Variants in PDSS2 observed in about 807,000 individuals in gnomAD.
PDSS2 encodes decaprenyl diphosphate synthase subunit 2.
Under a neutral mutation model 44.5 loss-of-function variants are expected in PDSS2, and 31 were observed. The observed-to-expected ratio is 0.70, with a 90% CI of 0.52 to 0.94. PDSS2 has a LOEUF of 0.94. Among genes scored for constraint, PDSS2 ranks in the 40% least tolerant of loss-of-function variants. The pLI is 0.00. For synonymous variants in PDSS2, 157 were observed against 180.3 expected, an observed-to-expected ratio of 0.87 and a Z score of 1.03; for missense variants, 452 against 482.2, an observed-to-expected ratio of 0.94 and a Z score of 0.59.
At chr6:107,168,644 C>T (rs1481520057) in intron 7 of PDSS2, among the ~76,000 whole-genome samples, 1 of 151,358 alleles carries the variant, frequency 6.6e-6, no homozygotes, top group Non-Finnish European at 1.5e-5. Context: ...TTAGTGCTTC[C>T]TTCAGGAGCT....
chr6:107,337,751 G>C (rs1475414600), intron 1 of PDSS2, among the ~76,000 whole-genome samples: 2 of 151,742 alleles, frequency 1.3e-5, no homozygotes, highest in African/African-American at 4.8e-5. Context: ...CACTCTACTA[G>C]CATATATAAT....
At chr6:107,183,619 G>C (rs1180680384) in intron 7 of PDSS2, among the ~76,000 whole-genome samples, 1 of 152,146 alleles carries the variant, frequency 6.6e-6, no homozygotes, top group Non-Finnish European at 1.5e-5. Context: ...AATCACTTGA[G>C]CTGGGTGCAG....
intron 1 of PDSS2, among the ~76,000 whole-genome samples, chr6:107,429,901 A>AAAATATAT (rs1166637352): frequency 3.8e-4 from 12 of 31,820 alleles, no homozygotes; most frequent in Admixed American, 5.8e-4. Flanking sequence ...AAAAAAAAAA[A>AAAATATAT]ATATATATAT....
intron 2 of PDSS2, among the ~76,000 whole-genome samples, chr6:107,312,631 A>G (rs1269883096): frequency 1.3e-5 from 2 of 152,228 alleles, no homozygotes; most frequent in African/African-American, 2.4e-5. Flanking sequence ...CCTGGCTGTT[A>G]ATAGCTATTA....
At chr6:107,231,601 A>G (rs748333105) in intron 4 of PDSS2, among the ~76,000 whole-genome samples, 5 of 152,170 alleles carry the variant, frequency 3.3e-5, no homozygotes, top group Non-Finnish European at 5.9e-5. Context: ...ATAAGACCCT[A>G]TGGTTATTTG....
chr6:107,280,781 GTTAA>G (rs1264023407), intron 2 of PDSS2, among the ~76,000 whole-genome samples: 2 of 152,326 alleles, frequency 1.3e-5, no homozygotes, highest in East Asian at 3.9e-4. Context: ...AAATAGCAGA[GTTAA>G]TTGTGTTTTG....
chr6:107,371,127 C>T (rs934397001), intron 1 of PDSS2, among the ~76,000 whole-genome samples: 2 of 151,656 alleles, frequency 1.3e-5, no homozygotes, highest in African/African-American at 4.9e-5. Context: ...TTGGAGTGAG[C>T]CAAGATCACA....
intron 2 of PDSS2, among the ~76,000 whole-genome samples, chr6:107,296,278 G>A (rs1019162717): frequency 3.9e-5 from 6 of 151,918 alleles, no homozygotes; most frequent in African/African-American, 1.2e-4. Context: ...GAAAGATCAT[G>A]TGTACTACGT....
rs980725585 is a variant in PDSS2, at chr6:107,359,640, A to G, written c.297-25308T>C. On this transcript the variant is annotated intron_variant, in intron 1 of 7. Coordinates refer to ENST00000369037, the MANE Select transcript of PDSS2 (RefSeq NM_020381.4). Reference sequence around the variant, plus strand: ...GAATGTGTTTAAAAAAAAAAAAAAAAGGGAGAGAGAGAGAGAGATAACTTC... The same window carrying G: ...GAATGTGTTTAAAAAAAAAAAAAAAGGGGAGAGAGAGAGAGAGATAACTTC... Among the ~76,000 whole-genome samples the G allele has an allele frequency of 4.1e-3, 605 of 146,130 alleles. 1 individual carries two copies. Among genetic ancestry groups the G allele is most frequent in the Non-Finnish European group, 6.9e-3 (460 of 66,234 alleles).
At chr6:107,185,123 T>TAAAAAAA (rs11317647) in intron 7 of PDSS2, among the ~76,000 whole-genome samples, 15 of 88,746 alleles carry the variant, frequency 1.7e-4, no homozygotes, top group South Asian at 3.9e-4. Context: ...ACCTTATATC[T>TAAAAAAA]AAAAAAAAAA....
intron 4 of PDSS2, among the ~76,000 whole-genome samples, chr6:107,213,428 G>A (rs565444891): frequency 6.6e-5 from 10 of 151,926 alleles, no homozygotes; most frequent in Admixed American, 2.0e-4. Flanking sequence ...GGAATTACAG[G>A]CATGAGTCAC....
At chr6:107,177,648 A>G (rs892107722) in intron 7 of PDSS2, among the ~76,000 whole-genome samples, 3 of 152,246 alleles carry the variant, frequency 2.0e-5, no homozygotes, top group African/African-American at 7.2e-5. Flanking sequence ...TAATTTTAGT[A>G]TCATATTCCA....
At chr6:107,240,616 TCA>T (rs1250507828) in intron 4 of PDSS2, among the ~76,000 whole-genome samples, 1 of 151,828 alleles carries the variant, frequency 6.6e-6, no homozygotes, top group East Asian at 1.9e-4. Flanking sequence ...CAGCCTGGTC[TCA>T]AACTCCTGAC....
intron 2 of PDSS2, among the ~76,000 whole-genome samples, chr6:107,319,000 A>ATG (rs1166302133): frequency 1.0e-5 from 1 of 95,308 alleles, no homozygotes; most frequent in Admixed American, 1.4e-4. Flanking sequence ...AAGAAAATAT[A>ATG]TATATATACA....
At chr6:107,193,761 C>G in intron 7 of PDSS2, 61 bp downstream of exon 7, 1 of 1,018,150 alleles carries the variant, frequency 9.8e-7, no homozygotes, top group Non-Finnish European at 1.6e-6. Flanking sequence ...CAAATATAAA[C>G]GAAAGCCAAA....
intron 1 of PDSS2, among the ~76,000 whole-genome samples, chr6:107,448,773 C>A (rs1426515465): frequency 2.0e-5 from 3 of 152,216 alleles, no homozygotes; most frequent in Non-Finnish European, 4.4e-5. Flanking sequence ...ATGCCCCAGA[C>A]TGGGTAACTT....
intron 1 of PDSS2, among the ~76,000 whole-genome samples, chr6:107,436,296 C>A (rs1294751390): frequency 6.6e-6 from 1 of 151,968 alleles, no homozygotes; most frequent in Non-Finnish European, 1.5e-5. Context: ...AAGCAGTTGG[C>A]AATACAGTAG....
intron 7 of PDSS2, among the ~76,000 whole-genome samples, chr6:107,190,641 T>C (rs1308086288): frequency 2.6e-5 from 4 of 152,158 alleles, no homozygotes; most frequent in Admixed American, 6.5e-5. Context: ...GGATTTGCTA[T>C]AGGAGACAAT....
At chr6:107,242,565 G>A (rs1774477225) in intron 4 of PDSS2, among the ~76,000 whole-genome samples, 1 of 150,646 alleles carries the variant, frequency 6.6e-6, no homozygotes, top group South Asian at 2.1e-4. Flanking sequence ...TTTTTTAAGA[G>A]ACAAGGTCTT....
Sources: allele counts gnomAD v4.1 joint callset (sites outside exome capture counted in the v4.1 genomes callset), GRCh38; gene constraint gnomAD v4.1.1; transcripts MANE v1.5; gene names NCBI Gene and HGNC (gene_info 2026-07-23, HGNC 2026-07-21).